The following GLIS1 variants were observed in gnomAD, a reference collection of about 807,000 sequenced individuals.
GLIS1 encodes the protein GLIS family zinc finger 1, also known as zinc finger protein GLIS1.
In GLIS1, 24 loss-of-function variants were observed where a neutral mutation model predicts 63.8. The ratio of observed to expected loss-of-function variants is 0.38; its 90% CI spans 0.27 to 0.53. The LOEUF is 0.53. GLIS1 is among the 20% of genes least tolerant of loss of function. The probability of loss-of-function intolerance (pLI) is 0.85; values close to 1 mark genes in which losing one functional copy is unlikely to be tolerated. For synonymous variants in GLIS1, 450 were observed against 482.5 expected (o/e 0.93, Z 0.88); for missense variants, 1,036 against 1,074.1 (o/e 0.96, Z 0.50).
Position 53,598,603 on chromosome 1 carries a change from G to C in GLIS1, c.437+1498C>G, listed in dbSNP as rs1202973151. Among the ~76,000 whole-genome samples the C allele has an allele frequency of 1.3e-5, 2 of 152,096 alleles. No individual in the cohort carries two copies. Among genetic ancestry groups the C allele is most frequent in the African/African-American group, 4.8e-5 (2 of 41,414 alleles). ...CACGTGAGTACTCAGCGACAAGGCG[G>C]TCATCTGCGAGCTAAGGAGAGAGGC... On this transcript the variant is annotated intron_variant, in intron 3 of 10. Transcript: ENST00000628545. This position sits in a 1 kb window ranked among gnomAD's most constrained non-coding sequence, Gnocchi z 4.6.
At chr1:53,604,568 A>G (rs568700284) in intron 2 of GLIS1, among the ~76,000 whole-genome samples, 1 of 152,352 alleles carries the variant, frequency 6.6e-6, no homozygotes, top group African/African-American at 2.4e-5. Flanking sequence ...GCAGGCCTAC[A>G]TCATGACCGC....
Position 53,593,982 on chromosome 1 carries a change from C to T in GLIS1, c.1320+126G>A, listed in dbSNP as rs560069070. 7.1e-5 allele frequency: 82 copies of T among 1,162,634 alleles called. No homozygotes were observed. In the East Asian group the frequency reaches 1.7e-3, roughly 24 times the overall value. The allele number at this position is 1,162,634 out of a possible 1,614,324, so 72.0% of individuals were successfully genotyped here. A position where few individuals can be genotyped will look rare whatever the true frequency, so the allele number is the denominator to read the frequency against. ...ACATCCACAGCATGGGTCCTTTCCT[C>T]CTCAACCACAGGGATCTCAGCCAGC... On this transcript the variant is annotated intron_variant, in intron 4 of 10. Transcript: ENST00000628545.
At chr1:53,645,838 C>T (rs61776599) in intron 2 of GLIS1, among the ~76,000 whole-genome samples, 2,617 of 152,306 alleles carry the variant, frequency 0.017, 37 homozygotes, top group Middle Eastern at 0.054. Flanking sequence ...TGACTCCTTG[C>T]TTGCAGGAAG....
chr1:53,703,310 C>T (rs955396566), intron 2 of GLIS1, among the ~76,000 whole-genome samples: 9 of 152,120 alleles, frequency 5.9e-5, no homozygotes, highest in African/African-American at 1.9e-4. Context: ...CATGGGGCAC[C>T]TGGTACAGGC....
intron 9 of GLIS1, 25 bp downstream of exon 9, chr1:53,509,824 G>A (rs1644279943): frequency 8.6e-6 from 11 of 1,280,602 alleles, no homozygotes; most frequent in Non-Finnish European, 1.1e-5. Context: ...GGGTTATACG[G>A]AGCGGGCCCC....
intron 4 of GLIS1, among the ~76,000 whole-genome samples, chr1:53,571,916 G>A (rs1361132754): frequency 6.6e-6 from 1 of 152,150 alleles, no homozygotes; most frequent in Admixed American, 6.5e-5. Flanking sequence ...AAAAACTGCA[G>A]AGACCACATA....
intron 8 of GLIS1, 143 bp from the exon 9 acceptor site, chr1:53,510,170 G>A (rs1644285098): frequency 7.1e-6 from 3 of 424,340 alleles, no homozygotes; most frequent in Admixed American, 4.4e-5. Context: ...GTTAGAAGAG[G>A]AGCTTTTATT....
At chr1:53,711,372 A>G (rs1646644988) in intron 2 of GLIS1, among the ~76,000 whole-genome samples, 1 of 152,194 alleles carries the variant, frequency 6.6e-6, no homozygotes, top group Non-Finnish European at 1.5e-5. Context: ...CCCCATCAGT[A>G]TGTACAATCA....
chr1:53,508,055 G>A (rs975877405), intron 10 of GLIS1, among the ~76,000 whole-genome samples: 3 of 152,222 alleles, frequency 2.0e-5, no homozygotes, highest in East Asian at 1.9e-4. Flanking sequence ...AGGTGCACAC[G>A]TGCACACAAG....
chr1:53,625,973 C>T (rs1645589812), intron 2 of GLIS1, among the ~76,000 whole-genome samples: 1 of 152,218 alleles, frequency 6.6e-6, no homozygotes, highest in Non-Finnish European at 1.5e-5. Context: ...GGGTTGGCCC[C>T]AGATGCCAGG....
intron 3 of GLIS1, among the ~76,000 whole-genome samples, chr1:53,596,429 G>T (rs1645255967): frequency 6.6e-6 from 1 of 152,152 alleles, no homozygotes; most frequent in African/African-American, 2.4e-5. Flanking sequence ...TATGCCTGAA[G>T]TCTGGCTAGG....
intron 4 of GLIS1, among the ~76,000 whole-genome samples, chr1:53,541,463 G>A (rs1644642244): frequency 6.6e-6 from 1 of 152,272 alleles, no homozygotes; most frequent in Non-Finnish European, 1.5e-5. Context: ...ACGGCCATAT[G>A]TGCATGAGGC....
rs1198775595 is a variant in GLIS1 at position 53,539,812 on chromosome 1, G to T, written c.1321-9860C>A. On this transcript the variant is annotated intron_variant, in intron 4 of 10. Transcript: ENST00000628545. The surrounding 1 kb of genome is among the most constrained non-coding windows in gnomAD (Gnocchi z 5.0). ...GGTTCACTGAGGGGCTGGGTCCACT[G>T]CGCCTCCTGACCTCTGAGTGGTGGC... Among the ~76,000 whole-genome samples, 1 of 152,156 alleles carries T rather than the reference G, an allele frequency of 6.6e-6. No individual in the cohort carries two copies. The highest frequency in any genetic ancestry group is 1.5e-5 in the Non-Finnish European group (1 of 68,030).
At chr1:53,521,286 C>T (rs1378056652) in intron 6 of GLIS1, among the ~76,000 whole-genome samples, 3 of 152,100 alleles carry the variant, frequency 2.0e-5, no homozygotes, top group Admixed American at 6.6e-5. Flanking sequence ...GCAGCCGCAC[C>T]GGTGAATGGA....
intron 2 of GLIS1, among the ~76,000 whole-genome samples, chr1:53,612,047 G>T (rs942450425): frequency 2.6e-5 from 4 of 151,890 alleles, no homozygotes; most frequent in African/African-American, 9.7e-5. Context: ...TGCCCAGGGG[G>T]TCTCAAACTA....
chr1:53,642,338 A>G (rs919530551), intron 2 of GLIS1, among the ~76,000 whole-genome samples: 1 of 152,192 alleles, frequency 6.6e-6, no homozygotes, highest in Non-Finnish European at 1.5e-5. Flanking sequence ...TGTTCTGGAC[A>G]TTACAGGCAG....
At chr1:53,548,240 T>G (rs1205935065) in intron 4 of GLIS1, among the ~76,000 whole-genome samples, 1 of 152,124 alleles carries the variant, frequency 6.6e-6, no homozygotes, top group African/African-American at 2.4e-5. Flanking sequence ...GGGGCTCAGG[T>G]GGGTGAGTAC....
intron 2 of GLIS1, among the ~76,000 whole-genome samples, chr1:53,643,153 A>G (rs1162201319): frequency 6.6e-6 from 1 of 152,218 alleles, no homozygotes. Context: ...CTTCATATGG[A>G]AGGAATCAAG....
At chr1:53,684,930 CAG>C (rs1646316093) in intron 2 of GLIS1, among the ~76,000 whole-genome samples, 1 of 152,158 alleles carries the variant, frequency 6.6e-6, no homozygotes, top group Non-Finnish European at 1.5e-5. Context: ...ACAGAGGACA[CAG>C]AGAGTCATGC....
Sources: allele counts gnomAD v4.1 joint callset (sites outside exome capture counted in the v4.1 genomes callset), GRCh38; gene constraint gnomAD v4.1.1; non-coding constraint Gnocchi (gnomAD v3.1); transcripts MANE v1.5; gene names NCBI Gene and HGNC (gene_info 2026-07-23, HGNC 2026-07-21).